The following IPO11 variants were observed in gnomAD, a reference collection of about 807,000 sequenced individuals.
The protein encoded by IPO11 is importin 11.
IPO11 carries 66 observed loss-of-function variants against 143.2 expected under a neutral mutation model. The observed-to-expected ratio is 0.46, with a 90% CI of 0.38 to 0.57. The LOEUF is 0.57. Among genes scored for constraint, IPO11 ranks in the 20% least tolerant of loss-of-function variants. IPO11 has a pLI of 0.00. For synonymous variants in IPO11, 385 were observed against 377.8 expected (o/e 1.02, Z -0.22); for missense variants, 1,026 against 1,141.0 (o/e 0.90, Z 1.45).
chr5:62,506,767 A>C (rs1489611662), intron 19 of IPO11, among the ~76,000 whole-genome samples: 1 of 152,132 alleles, frequency 6.6e-6, no homozygotes, highest in South Asian at 2.1e-4. Context: ...TTAACATAAA[A>C]ATGAGGTATA....
chr5:62,522,254 G>A (rs1245522197), intron 20 of IPO11, among the ~76,000 whole-genome samples: 1 of 151,300 alleles, frequency 6.6e-6, no homozygotes, highest in East Asian at 1.9e-4. Context: ...GATTGTGTGT[G>A]TGGTGTGGTG....
chr5:62,419,817 G>A (rs935384936), intron 1 of IPO11, among the ~76,000 whole-genome samples: 1 of 152,036 alleles, frequency 6.6e-6, no homozygotes, highest in Admixed American at 6.6e-5. Context: ...AACATAGCCA[G>A]ACCCCATCTC....
At chr5:62,526,113 A>C in intron 20 of IPO11, 29 bp from the exon 21 acceptor site, 1 of 1,449,206 alleles carries the variant, frequency 6.9e-7, no homozygotes, top group South Asian at 1.1e-5. Context: ...AGAGTGTCTT[A>C]TTATAAGTTT....
At chr5:62,484,925 T>G (rs1489748545) in intron 11 of IPO11, among the ~76,000 whole-genome samples, 1 of 152,020 alleles carries the variant, frequency 6.6e-6, no homozygotes. Context: ...GAAACATCTT[T>G]TTTCAATTTG....
intron 27 of IPO11, among the ~76,000 whole-genome samples, chr5:62,565,793 C>T (rs908181851): frequency 8.6e-5 from 13 of 151,948 alleles, no homozygotes; most frequent in African/African-American, 3.1e-4. Context: ...CCTACCCCCC[C>T]AACTGGCCCT....
At chr5:62,519,901 T>G (rs1389650683) in intron 20 of IPO11, among the ~76,000 whole-genome samples, 1 of 152,192 alleles carries the variant, frequency 6.6e-6, no homozygotes, top group Non-Finnish European at 1.5e-5. Context: ...AAGGTCCCAG[T>G]TTACTTGCTA....
intron 19 of IPO11, among the ~76,000 whole-genome samples, chr5:62,513,842 G>A (rs1235037947): frequency 2.0e-5 from 3 of 146,716 alleles, no homozygotes; most frequent in African/African-American, 7.7e-5. Context: ...AGACGGGGCG[G>A]TTGCCAGGAG....
chr5:62,556,635 A>G (rs975243766), intron 26 of IPO11, among the ~76,000 whole-genome samples: 4 of 152,164 alleles, frequency 2.6e-5, no homozygotes, highest in Non-Finnish European at 4.4e-5. Context: ...TGATCACTGC[A>G]CTCCAGACTG....
chr5:62,455,025 G>A (rs1736648712), intron 5 of IPO11, among the ~76,000 whole-genome samples: 1 of 152,170 alleles, frequency 6.6e-6, no homozygotes, highest in African/African-American at 2.4e-5. Context: ...GTAGGGACTA[G>A]GAAGGGTATC....
intron 28 of IPO11, among the ~76,000 whole-genome samples, chr5:62,597,776 C>T (rs1248448356): frequency 6.6e-6 from 1 of 152,102 alleles, no homozygotes; most frequent in African/African-American, 2.4e-5. Context: ...CCCAGAAGTG[C>T]ATTTTTTATT....
chr5:62,548,867 C>G (rs1743300575), intron 24 of IPO11, among the ~76,000 whole-genome samples: 1 of 151,964 alleles, frequency 6.6e-6, no homozygotes, highest in Non-Finnish European at 1.5e-5. Flanking sequence ...TTCCTCTTGT[C>G]TTTTTAAAAT....
Position 62,599,702 on chromosome 5 carries a change from G to T in IPO11, c.2679-2062G>T, listed in dbSNP as rs143048070. Among the ~76,000 whole-genome samples the T allele has an allele frequency of 2.4e-3, 359 of 152,298 alleles. 2 individuals carry two copies. The highest frequency in any genetic ancestry group is 0.01 in the Middle Eastern group (3 of 294). ...ATTTCTGCCTTGAGTTTAGAATGGA[G>T]GAGTGGCCACTTATATTCACGTTAG... On this transcript the variant is annotated intron_variant, in intron 28 of 29. Coordinates refer to ENST00000325324, the MANE Select transcript of IPO11 (RefSeq NM_016338.5).
At chr5:62,513,972 G>A (rs1387793542) in intron 19 of IPO11, among the ~76,000 whole-genome samples, 9 of 150,450 alleles carry the variant, frequency 6.0e-5, no homozygotes, top group South Asian at 2.1e-4. Context: ...GGGCAGAGGC[G>A]CTCCCCACAT....
chr5:62,627,399 G>A lies in IPO11; in HGVS notation c.*81G>A. The A allele has an allele frequency of 7.7e-7, 1 of 1,300,088 alleles. No homozygotes were observed. The allele number at this position is 1,300,088 out of a possible 1,614,324, so 80.5% of individuals were successfully genotyped here. ...TGCCGTTTGTATGTGAGAGCCTGCT[G>A]AGATGAAGAAATCACTTCATGAAAA... On this transcript the variant is annotated 3_prime_UTR_variant, in exon 30 of 30. Coordinates refer to ENST00000325324, the MANE Select transcript of IPO11 (RefSeq NM_016338.5).
intron 5 of IPO11, among the ~76,000 whole-genome samples, chr5:62,452,141 A>ACTAGGGAAGGG (rs1204129436): frequency 1.4e-5 from 2 of 144,600 alleles, no homozygotes; most frequent in African/African-American, 5.8e-5. Flanking sequence ...GCTACTCAGG[A>ACTAGGGAAGGG]GGCTGAAGCA....
intron 24 of IPO11, among the ~76,000 whole-genome samples, chr5:62,549,323 C>T (rs2112346164): frequency 6.6e-6 from 1 of 152,216 alleles, no homozygotes; most frequent in Middle Eastern, 3.4e-3. Flanking sequence ...ATGTTGTTAT[C>T]AACCATGGAT....
At chr5:62,576,715 C>T (rs533034018) in intron 27 of IPO11, among the ~76,000 whole-genome samples, 51 of 152,252 alleles carry the variant, frequency 3.3e-4, no homozygotes, top group Admixed American at 2.0e-3. Context: ...ACTGGGAGGT[C>T]GATGCTGTGG....
intron 16 of IPO11, among the ~76,000 whole-genome samples, chr5:62,502,258 T>C (rs1475170315): frequency 6.6e-6 from 1 of 152,176 alleles, no homozygotes; most frequent in African/African-American, 2.4e-5. Flanking sequence ...TCAGCTGGGG[T>C]AGGGTAGACA....
At chr5:62,474,269 G>C in intron 7 of IPO11, 147 bp from the exon 8 acceptor site, 1 of 540,346 alleles carries the variant, frequency 1.9e-6, no homozygotes, top group Non-Finnish European at 3.3e-6. Flanking sequence ...ATAGTGAACT[G>C]TTTTTTGCTT....
Sources: allele counts gnomAD v4.1 joint callset (sites outside exome capture counted in the v4.1 genomes callset), GRCh38; gene constraint gnomAD v4.1.1; transcripts MANE v1.5; gene names NCBI Gene and HGNC (gene_info 2026-07-23, HGNC 2026-07-21).